The following GNAI3 variants were observed in gnomAD, a reference collection of about 807,000 sequenced individuals.
GNAI3 encodes the protein G protein subunit alpha i3.
In GNAI3, 12 loss-of-function variants were observed where a neutral mutation model predicts 41.8. The observed-to-expected ratio is 0.29, with a 90% CI of 0.18 to 0.47. GNAI3 has a LOEUF of 0.47. GNAI3 is among the 20% of genes least tolerant of loss of function. The pLI is 1.00. For missense variants in GNAI3, 360 were observed against 429.6 expected (o/e 0.84, Z 1.43); for synonymous variants, 132 against 146.5 (o/e 0.90, Z 0.71).
chr1:109,579,128 T>C, intron 3 of GNAI3, 76 bp from the exon 4 acceptor site: 1 of 1,184,138 alleles, frequency 8.4e-7, no homozygotes, highest in Non-Finnish European at 1.2e-6. Context: ...GTAATGTGTC[T>C]ATATTTTAAA....
At chr1:109,551,831 T>C (rs2101087054) in intron 1 of GNAI3, among the ~76,000 whole-genome samples, 1 of 152,324 alleles carries the variant, frequency 6.6e-6, no homozygotes, top group African/African-American at 2.4e-5. Context: ...ATTGTAATTC[T>C]TCCTTTGATA....
rs776161263 is a variant in GNAI3 at position 109,574,049 on chromosome 1, T to C, written c.303+12T>C. On this transcript the variant is annotated intron_variant, in intron 3 of 8. Coordinates refer to ENST00000369851, the MANE Select transcript of GNAI3 (RefSeq NM_006496.4). The stretch of plus-strand genomic sequence containing the variant: ...AAGCTGCCAGGGCAGTAAGTGTTTC[T>C]CATTTCCTCTTCACTTGCTCTTATT... 1.3e-6 allele frequency: 2 copies of C among 1,594,082 alleles called. No homozygotes were observed. Among genetic ancestry groups the C allele is most frequent in the East Asian group, 4.5e-5 (2 of 44,752 alleles).
Position 109,579,351 on chromosome 1 carries a change from T to C in GNAI3, c.451T>C (p.Ser151Pro). ...SRSREYQLND[S>P]ASYYLNDLDR... The stretch of plus-strand genomic sequence containing the variant: ...ATCCAGGGAATATCAGCTCAATGAT[T>C]CTGCTTCATAGTAAGTAATTTTTCT... Residue 151 changes from serine to proline, a missense_variant, in exon 4 of 9, where the codon TCT becomes CCT. Coordinates refer to ENST00000369851, the MANE Select transcript of GNAI3 (RefSeq NM_006496.4). 6.2e-7 allele frequency: 1 copy of C among 1,612,080 alleles called. No individual in the cohort carries two copies. The highest frequency in any genetic ancestry group is 8.5e-7 in the Non-Finnish European group (1 of 1,178,608).
intron 1 of GNAI3, 67 bp downstream of exon 1, chr1:109,548,905 G>A: frequency 9.6e-7 from 1 of 1,041,738 alleles, no homozygotes; most frequent in Non-Finnish European, 1.5e-6. Context: ...GGCCTGAACG[G>A]GGTCTGGTCG....
At chr1:109,574,189 A>G (rs1648679617) in intron 3 of GNAI3, 152 bp downstream of exon 3, 5 of 588,110 alleles carry the variant, frequency 8.5e-6, no homozygotes, top group Admixed American at 3.4e-5. Flanking sequence ...AATGTTAGCA[A>G]TCTACTTTAG....
intron 1 of GNAI3, among the ~76,000 whole-genome samples, chr1:109,566,469 G>T (rs982036106): frequency 6.6e-6 from 1 of 152,088 alleles, no homozygotes; most frequent in Non-Finnish European, 1.5e-5. Context: ...TTTCCTATCT[G>T]TTATTCTTCT....
rs186301843 is a variant in GNAI3 at position 109,593,607 on chromosome 1, A to G, written c.*1285A>G. ...AATGTGCTTTAGCCTTTGTCTGAGA[A>G]TGGGTTTAGGTAGAAGGGTTTCCTG... is the stretch of plus-strand genomic sequence containing the variant. On this transcript the variant is annotated 3_prime_UTR_variant, in exon 9 of 9. Coordinates refer to ENST00000369851, the MANE Select transcript of GNAI3 (RefSeq NM_006496.4). 744 of 152,738 alleles carry G rather than the reference A, an allele frequency of 4.9e-3. 8 individuals are homozygous for G. The highest frequency in any genetic ancestry group is 6.0e-3 in the Non-Finnish European group (409 of 68,040). 9.5% of individuals were successfully genotyped at this position (152,738 alleles called of 1,614,324 possible).
In GNAI3 at chr1:109,567,588, AG is replaced by A. The variant is rs2101096872; in HGVS notation, c.119-6148del. Among the ~76,000 whole-genome samples the A allele has an allele frequency of 2.0e-5, 3 of 152,366 alleles. No individual in the cohort carries two copies. In the East Asian group the frequency reaches 5.8e-4, roughly 29 times the overall value. On this transcript the variant is annotated intron_variant, in intron 1 of 8. Coordinates refer to ENST00000369851, the MANE Select transcript of GNAI3 (RefSeq NM_006496.4). ...CTTTTAGGTTATAAGTTGCAGTTTA[AG>A]TGTGTGAATTCAGATTCTATCTAGG...
intron 1 of GNAI3, among the ~76,000 whole-genome samples, chr1:109,559,782 A>G (rs562681527): frequency 3.3e-5 from 5 of 152,196 alleles, no homozygotes; most frequent in Admixed American, 6.5e-5. Flanking sequence ...ATCTTTAAGC[A>G]TTTATCTTGT....
intron 1 of GNAI3, among the ~76,000 whole-genome samples, chr1:109,571,992 C>G (rs76831802): frequency 2.6e-5 from 4 of 152,044 alleles, no homozygotes; most frequent in Non-Finnish European, 4.4e-5. Flanking sequence ...GGAGGGACCC[C>G]TGAAGCAATA....
chr1:109,583,107 A>G (rs1648936455), intron 5 of GNAI3, among the ~76,000 whole-genome samples: 1 of 152,256 alleles, frequency 6.6e-6, no homozygotes, highest in Non-Finnish European at 1.5e-5. Context: ...TGTCATGTAC[A>G]ATTAACTTCT....
intron 5 of GNAI3, among the ~76,000 whole-genome samples, chr1:109,583,191 G>T (rs1057490829): frequency 6.6e-5 from 10 of 151,856 alleles, no homozygotes. Context: ...TATAAACAGT[G>T]ATTTTTTTGG....
chr1:109,590,416 C>T lies in GNAI3; in HGVS notation c.875-1627C>T, dbSNP rs150156221. On this transcript the variant is annotated intron_variant, in intron 7 of 8. Coordinates refer to ENST00000369851, the MANE Select transcript of GNAI3 (RefSeq NM_006496.4). Reference sequence around the variant, plus strand: ...TACAGATTCTTACGGTCCTTATTTGCCAGGTATTATTATCTGTTCCTAGCA... The same window carrying T: ...TACAGATTCTTACGGTCCTTATTTGTCAGGTATTATTATCTGTTCCTAGCA... 6.5e-3 allele frequency among the ~76,000 whole-genome samples: 993 copies of T among 152,250 alleles called. 12 individuals carry two copies. The highest frequency in any genetic ancestry group is 0.05 in the South Asian group (242 of 4,818).
chr1:109,591,296 T>C (rs1571164838), intron 7 of GNAI3, among the ~76,000 whole-genome samples: 1 of 151,010 alleles, frequency 6.6e-6, no homozygotes, highest in South Asian at 2.1e-4. Context: ...ATTTACCTTG[T>C]TGAATTCCTT....
Position 109,593,651 on chromosome 1 carries a change from G to A in GNAI3, c.*1329G>A, listed in dbSNP as rs1004765195. On this transcript the variant is annotated 3_prime_UTR_variant, in exon 9 of 9. Transcript: ENST00000369851. The stretch of plus-strand genomic sequence containing the variant: ...TTTCCTGAAAGTCTAGTCTTTTGGT[G>A]TAATAGTATTGTTGAACCTTAGGTT... 1 of 152,574 alleles carries A rather than the reference G, an allele frequency of 6.6e-6. No individual in the cohort carries two copies. Among genetic ancestry groups the A allele is most frequent in the Admixed American group, 6.5e-5 (1 of 15,274 alleles). The allele number at this position is 152,574 out of a possible 1,614,324, so 9.5% of individuals were successfully genotyped here. A position where few individuals can be genotyped will look rare whatever the true frequency, so the allele number is the denominator to read the frequency against.
intron 1 of GNAI3, among the ~76,000 whole-genome samples, chr1:109,568,150 TCA>T: frequency 6.6e-6 from 1 of 152,268 alleles, no homozygotes; most frequent in Admixed American, 6.5e-5. Flanking sequence ...TCACCATCTC[TCA>T]CTTTGCATAC....
intron 3 of GNAI3, among the ~76,000 whole-genome samples, chr1:109,577,281 T>G (rs1416582833): frequency 1.3e-5 from 2 of 149,712 alleles, no homozygotes; most frequent in Admixed American, 6.6e-5. Context: ...TTTTTTTGTT[T>G]TTTTTTTTTT....
In GNAI3 at chr1:109,548,682, G is replaced by A. The variant is rs1647891617; in HGVS notation, c.-39G>A. On this transcript the variant is annotated 5_prime_UTR_variant, in exon 1 of 9. Transcript: ENST00000369851. ...TGCCGAGCCGCAGTTTCCGTGGTGTGAGTGAGTCCGGGCCCGTGTCCCCTC... is the reference window on the plus strand; with the variant it reads ...TGCCGAGCCGCAGTTTCCGTGGTGTAAGTGAGTCCGGGCCCGTGTCCCCTC... The A allele has an allele frequency of 7.0e-7, 1 of 1,421,978 alleles. No homozygotes were observed. The highest frequency in any genetic ancestry group is 9.9e-7 in the Non-Finnish European group (1 of 1,007,722). 88.1% of individuals were successfully genotyped at this position (1,421,978 alleles called of 1,614,324 possible).
At chr1:109,565,451 A>T (rs1648427302) in intron 1 of GNAI3, among the ~76,000 whole-genome samples, 1 of 152,134 alleles carries the variant, frequency 6.6e-6, no homozygotes. Context: ...CAGTATAGTC[A>T]TGGGATGAGA....
Sources: gnomAD v4.1 joint callset for allele counts (sites outside exome capture counted in the v4.1 genomes callset) on GRCh38, gnomAD v4.1.1 for gene constraint, MANE v1.5 for transcripts, NCBI Gene and HGNC (gene_info 2026-07-23, HGNC 2026-07-21) for gene names.